PNPLA7: variants seen among roughly 807,000 people sequenced by gnomAD.
PNPLA7 encodes patatin-like phospholipase domain-containing protein 7.
A neutral mutation model predicts 161.7 loss-of-function variants in PNPLA7; 153 were observed. The observed-to-expected ratio is 0.95, with a 90% CI of 0.83 to 1.08. The LOEUF (loss-of-function observed/expected upper bound fraction) is 1.08. Among genes scored for constraint, PNPLA7 ranks in the 50% least tolerant of loss-of-function variants. PNPLA7 has a pLI of 0.00. For missense variants in PNPLA7, 1,739 were observed against 1,856.6 expected, an observed-to-expected ratio of 0.94 and a Z score of 1.16; for synonymous variants, 809 against 782.1, an observed-to-expected ratio of 1.03 and a Z score of -0.57.
At chr9:137,544,467 C>G (rs750568322) in intron 4 of PNPLA7, among the ~76,000 whole-genome samples, 1 of 152,216 alleles carries the variant, frequency 6.6e-6, no homozygotes, top group Non-Finnish European at 1.5e-5. Flanking sequence ...ACCGCCTCCA[C>G]TCTGCTCCAG....
chr9:137,509,460 G>T, intron 12 of PNPLA7: 1 of 235,770 alleles, frequency 4.2e-6, no homozygotes, highest in Non-Finnish European at 9.0e-6. Context: ...GAGTTTAGCT[G>T]GTACGAATGA....
rs1055486568 is a variant in PNPLA7, at chr9:137,500,625, G to A, written c.1757+66C>T. 24 of 1,488,540 alleles carry A rather than the reference G, an allele frequency of 1.6e-5. No individual in the cohort carries two copies. Among genetic ancestry groups the A allele is most frequent in the African/African-American group, 1.1e-4 (8 of 72,372 alleles). 92.2% of individuals were successfully genotyped at this position (1,488,540 alleles called of 1,614,324 possible). On this transcript the variant is annotated intron_variant, in intron 16 of 34. Coordinates refer to ENST00000406427, the MANE Select transcript of PNPLA7 (RefSeq NM_001098537.3). This position sits in a 1 kb window ranked among gnomAD's most constrained non-coding sequence, Gnocchi z 5.5. ...AGAGCACCAGGAAGAGGCCGGCCAC[G>A]CGGGGAGGGGTCTCAGGGCAGGGGG...
chr9:137,461,473 A>C, intron 33 of PNPLA7, 63 bp downstream of exon 33: 1 of 1,501,122 alleles, frequency 6.7e-7, no homozygotes, highest in Non-Finnish European at 9.1e-7. Context: ...GGGGGGTTCA[A>C]GCCCAACACA....
In PNPLA7 at chr9:137,495,093, G is replaced by T; in HGVS notation, c.2067C>A (p.Asp689Glu). ...CTGCCGGCAGCTTGGCCAATTCTGA[G>T]TCCCGAACGGCATGCACCGTGGTCG... ...ARATTVHAVR[D>E]SELAKLPAGA... is the part of the protein sequence containing the mutation. Residue 689 changes from aspartate (D) to glutamate (E), a missense_variant, in exon 19 of 35, where the codon GAC becomes GAA. Physicochemically the swap from Asp to Glu is conservative, Grantham distance 45. Coordinates refer to ENST00000406427, the MANE Select transcript of PNPLA7 (RefSeq NM_001098537.3). The T allele has an allele frequency of 6.2e-7, 1 of 1,609,428 alleles. No homozygotes were observed.
chr9:137,461,337 G>A lies in PNPLA7; in HGVS notation c.3841+199C>T, dbSNP rs371851799. The A allele has an allele frequency of 6.4e-4, 350 of 542,876 alleles. 2 individuals carry two copies. Among genetic ancestry groups the A allele is most frequent in the East Asian group, 5.5e-3 (181 of 32,784 alleles). 33.6% of individuals were successfully genotyped at this position (542,876 alleles called of 1,614,324 possible). ...AAGGGCAGGGGCTGGGTGACCCGGG[G>A]TGGTCACAGTCCCACTGCTGTGGGA... On this transcript the variant is annotated intron_variant, in intron 33 of 34. Transcript: ENST00000406427.
In PNPLA7 at chr9:137,462,728, C is replaced by T. The variant is rs372947422; in HGVS notation, c.3449G>A (p.Trp1150Ter). 1.6e-5 allele frequency: 26 copies of T among 1,613,880 alleles called. No homozygotes were observed. Among genetic ancestry groups the T allele is most frequent in the Non-Finnish European group, 2.2e-5 (26 of 1,180,010 alleles). Reference sequence around the variant, plus strand: ...GGGGTTCCAGCGTTTCCACAGCAGCCACCACCCAGACAGCGCATCCCCATA... The same window carrying T: ...GGGGTTCCAGCGTTTCCACAGCAGCTACCACCCAGACAGCGCATCCCCATA... Reference protein sequence around the residue: ...TNYGDALSGWWLLWKRWNPLA... With the variant: ...TNYGDALSGW Residue 1150 changes from tryptophan (W) to a stop codon, truncating the protein, a stop_gained, in exon 30 of 35, where the codon TGG becomes TAG. Coordinates refer to ENST00000406427, the MANE Select transcript of PNPLA7 (RefSeq NM_001098537.3). LOFTEE classifies it high-confidence loss of function.
Position 137,503,264 on chromosome 9 carries a change from C to A in PNPLA7, c.1474-1537G>T, listed in dbSNP as rs186093437. 4.6e-4 allele frequency among the ~76,000 whole-genome samples: 70 copies of A among 152,068 alleles called. 1 individual carries two copies. Among genetic ancestry groups the A allele is most frequent in the African/African-American group, 1.6e-3 (66 of 41,424 alleles). ...AGGTGTGTTAGTGAGGCCTGTGGTT[C>A]CAACTACTCAGGAGGCTGAGGTGGG... On this transcript the variant is annotated intron_variant, in intron 14 of 34. Coordinates refer to ENST00000406427, the MANE Select transcript of PNPLA7 (RefSeq NM_001098537.3).
At chr9:137,539,862 T>G (rs896564043) in intron 8 of PNPLA7, among the ~76,000 whole-genome samples, 1 of 152,186 alleles carries the variant, frequency 6.6e-6, no homozygotes, top group Non-Finnish European at 1.5e-5. Context: ...CTTGGCTCAC[T>G]GCAACCTCTA....
intron 11 of PNPLA7, 90 bp from the exon 12 acceptor site, chr9:137,515,609 C>A: frequency 7.1e-7 from 1 of 1,406,784 alleles, no homozygotes; most frequent in Non-Finnish European, 9.3e-7. Flanking sequence ...GGAGCAGGGT[C>A]CCCACAGTGC....
Position 137,479,054 on chromosome 9 carries a change from A to C in PNPLA7, c.2763+2T>G. 1 of 1,574,802 alleles carries C rather than the reference A, an allele frequency of 6.3e-7. No homozygotes were observed. The highest frequency in any genetic ancestry group is 8.6e-7 in the Non-Finnish European group (1 of 1,156,864). On this transcript the variant is annotated splice_donor_variant, in intron 24 of 34. Coordinates refer to ENST00000406427, the MANE Select transcript of PNPLA7 (RefSeq NM_001098537.3). LOFTEE classifies it high-confidence loss of function. ...GCAGGCAGCCTCCTCTCCCCGCCTC[A>C]CCAGCTTGGGCAGGCTCCTCCTGGA...
chr9:137,503,835 GCA>G (rs1564324751), intron 14 of PNPLA7, among the ~76,000 whole-genome samples: 2 of 10,030 alleles, frequency 2.0e-4, no homozygotes, highest in Non-Finnish European at 3.6e-4. Context: ...GAAGAAAGAA[GCA>G]AGAAGAAGAA....
chr9:137,487,169 C>T (rs988218004), intron 20 of PNPLA7, among the ~76,000 whole-genome samples: 11 of 152,240 alleles, frequency 7.2e-5, no homozygotes, highest in Admixed American at 2.0e-4. Context: ...TGCTGCGCAC[C>T]GGCTGCCAAG....
At chr9:137,498,605 G>A (rs959471897) in intron 16 of PNPLA7, among the ~76,000 whole-genome samples, 6 of 152,246 alleles carry the variant, frequency 3.9e-5, no homozygotes, top group Non-Finnish European at 7.3e-5. Context: ...GGCTGGCAGT[G>A]AGTGCCGTGA....
rs138068975 is a variant in PNPLA7 at position 137,479,092 on chromosome 9, C to T, written c.2727G>A (p.Pro909=). 1.9e-5 allele frequency: 31 copies of T among 1,597,720 alleles called. No individual in the cohort carries two copies. Among genetic ancestry groups the T allele is most frequent in the African/African-American group, 1.5e-4 (11 of 74,662 alleles). Residue 909 remains proline (P), a synonymous_variant, in exon 24 of 35, where the codon CCG becomes CCA. Transcript: ENST00000406427. ...GGCTCCTCCTGGAGAAGACGCGGCG[C>T]GGGCAGCAGAGGTGCAGGTGGCCGG... ...WCSGHLHLCC[P]RRVFSRRSLP...
intron 4 of PNPLA7, among the ~76,000 whole-genome samples, chr9:137,546,534 C>T (rs1021377951): frequency 6.6e-5 from 10 of 152,230 alleles, no homozygotes; most frequent in Non-Finnish European, 1.0e-4. Context: ...GGCCACTGTG[C>T]ACCACAGACA....
In PNPLA7 at chr9:137,536,527, C is replaced by T. The variant is rs150322267; in HGVS notation, c.747+4115G>A. On this transcript the variant is annotated intron_variant, in intron 8 of 34. Coordinates refer to ENST00000406427, the MANE Select transcript of PNPLA7 (RefSeq NM_001098537.3). ...AATCACCAAGAGGCCAAAAATAAGC[C>T]GCTGGTTCAGGTCGTGAATCTGTAA... Among the ~76,000 whole-genome samples the T allele has an allele frequency of 2.4e-4, 36 of 152,186 alleles. 1 individual carries two copies. The highest frequency in any genetic ancestry group is 8.7e-4 in the African/African-American group (36 of 41,492).
At position 137,461,959 on chromosome 9, in the gene PNPLA7, T is replaced by G; in HGVS notation, c.3728A>C (p.Gln1243Pro). The G allele has an allele frequency of 3.1e-6, 5 of 1,593,336 alleles. No individual in the cohort carries two copies. The highest frequency in any genetic ancestry group is 4.3e-6 in the Non-Finnish European group (5 of 1,173,892). Reference sequence around the variant, plus strand: ...ACTCGCGGGCTTCTTGCTCGGCCCCTGCTGGTCGCGGAGCATCTTCTCCAG... The same window carrying G: ...ACTCGCGGGCTTCTTGCTCGGCCCCGGCTGGTCGCGGAGCATCTTCTCCAG... ...GVLEKMLRDQQGPSKKPASAV... is the reference protein window; with the variant it reads ...GVLEKMLRDQPGPSKKPASAV... Residue 1243 changes from glutamine to proline, a missense_variant, in exon 32 of 35, where the codon CAG becomes CCG. Gln to Pro is a moderately conservative substitution (Grantham distance 76). Coordinates refer to ENST00000406427, the MANE Select transcript of PNPLA7 (RefSeq NM_001098537.3).
chr9:137,463,653 A>G, intron 28 of PNPLA7, 122 bp from the exon 29 acceptor site: 1 of 688,302 alleles, frequency 1.5e-6, no homozygotes, highest in East Asian at 2.7e-5. Flanking sequence ...CCGCCTCCAC[A>G]GAGGGAAGCT....
At position 137,524,758 on chromosome 9, in the gene PNPLA7, G is replaced by A. The variant is rs1252143328; in HGVS notation, c.748-1901C>T. Among the ~76,000 whole-genome samples the A allele has an allele frequency of 6.6e-6, 1 of 151,886 alleles. No individual in the cohort carries two copies. Among genetic ancestry groups the A allele is most frequent in the East Asian group, 1.9e-4 (1 of 5,178 alleles). On this transcript the variant is annotated intron_variant, in intron 8 of 34. Transcript: ENST00000406427. This position sits in a 1 kb window ranked among gnomAD's most constrained non-coding sequence, Gnocchi z 4.4. ...GAACGAGTTTCCGTGGATGCCCCGT[G>A]GAATGAGTTTCCGTGGATGCCCCGT...
Sources: allele counts gnomAD v4.1 joint callset (sites outside exome capture counted in the v4.1 genomes callset), GRCh38; gene constraint gnomAD v4.1.1; non-coding constraint Gnocchi (gnomAD v3.1); transcripts MANE v1.5; gene names NCBI Gene and HGNC (gene_info 2026-07-23, HGNC 2026-07-21).